LHFPL3: variants seen among roughly 807,000 people sequenced by gnomAD.
LHFPL3 encodes the protein LHFPL tetraspan subfamily member 3 protein.
In LHFPL3, 5 loss-of-function variants were observed where a neutral mutation model predicts 19.3. The ratio of observed to expected loss-of-function variants is 0.26; its 90% CI spans 0.14 to 0.54. The LOEUF (loss-of-function observed/expected upper bound fraction) is 0.54. Ranked by LOEUF, LHFPL3 falls within the 20% of genes least tolerant of loss-of-function variation. LHFPL3 has a pLI of 0.94. For missense variants in LHFPL3, 249 were observed against 307.4 expected (o/e 0.81, Z 1.42); for synonymous variants, 133 against 126.2 (o/e 1.05, Z -0.36).
chr7:104,709,098 A>G (rs1210747351), intron 1 of LHFPL3, among the ~76,000 whole-genome samples: 1 of 152,078 alleles, frequency 6.6e-6, no homozygotes, highest in Non-Finnish European at 1.5e-5. Context: ...CAACAACAAC[A>G]AGGAAAATCA....
intron 1 of LHFPL3, among the ~76,000 whole-genome samples, chr7:104,393,556 A>G (rs1791121364): frequency 6.6e-6 from 1 of 152,068 alleles, no homozygotes; most frequent in Admixed American, 6.6e-5. Flanking sequence ...TCTCTACTAA[A>G]AATACAAAAA....
chr7:104,461,794 A>G (rs527275415), intron 1 of LHFPL3, among the ~76,000 whole-genome samples: 11 of 152,194 alleles, frequency 7.2e-5, no homozygotes, highest in Non-Finnish European at 1.6e-4. Context: ...GAAGAATGTC[A>G]TTGGTAGTTT....
chr7:104,559,422 A>T (rs1024397924), intron 1 of LHFPL3, among the ~76,000 whole-genome samples: 58 of 149,412 alleles, frequency 3.9e-4, no homozygotes, highest in Non-Finnish European at 8.1e-4. Context: ...ATTCCTAGGT[A>T]TTTTATTCTC....
chr7:104,632,322 T>C (rs1403692570), intron 1 of LHFPL3, among the ~76,000 whole-genome samples: 1 of 152,168 alleles, frequency 6.6e-6, no homozygotes, highest in Non-Finnish European at 1.5e-5. Flanking sequence ...TTAAGTTGCA[T>C]AGGACCATTA....
rs537459133 is a variant in LHFPL3 at position 104,402,709 on chromosome 7, T to C, written c.445+73485T>C. ...CAGACTGGTCTTAGGGCTTTCCTTA[T>C]ATTTGACAGATAAGAAAATTATACT... On this transcript the variant is annotated intron_variant, in intron 1 of 2. Coordinates refer to ENST00000424859, the MANE Select transcript of LHFPL3 (RefSeq NM_199000.3). 1.2e-4 allele frequency among the ~76,000 whole-genome samples: 18 copies of C among 152,344 alleles called. No individual in the cohort carries two copies. The East Asian group carries it at 1.5e-3, about 13-fold the overall frequency.
At chr7:104,703,480 T>C (rs1562969082) in intron 1 of LHFPL3, among the ~76,000 whole-genome samples, 1 of 152,234 alleles carries the variant, frequency 6.6e-6, no homozygotes, top group Non-Finnish European at 1.5e-5. Context: ...TTTATTATTC[T>C]CATGGATATC....
At chr7:104,813,063 G>A (rs1024087275) in intron 2 of LHFPL3, among the ~76,000 whole-genome samples, 4 of 151,450 alleles carry the variant, frequency 2.6e-5, no homozygotes, top group East Asian at 2.0e-4. Context: ...GCAGTGAGCC[G>A]AGATCATGCC....
At chr7:104,625,556 T>A (rs2193212) in intron 1 of LHFPL3, among the ~76,000 whole-genome samples, 1 of 151,998 alleles carries the variant, frequency 6.6e-6, no homozygotes, top group Non-Finnish European at 1.5e-5. Flanking sequence ...TGTTCCTCTG[T>A]TTTTTTTTAA....
At chr7:104,604,621 G>T (rs1315898239) in intron 1 of LHFPL3, among the ~76,000 whole-genome samples, 1 of 152,196 alleles carries the variant, frequency 6.6e-6, no homozygotes. Context: ...ATATCCTGAT[G>T]ATTTAATTTT....
At chr7:104,769,672 A>C (rs1319474309) in intron 2 of LHFPL3, among the ~76,000 whole-genome samples, 1 of 143,056 alleles carries the variant, frequency 7.0e-6, no homozygotes, top group African/African-American at 2.7e-5. Flanking sequence ...ATGTGTTCTC[A>C]TTGTTCAACT....
At chr7:104,761,847 A>G (rs1794376561) in intron 2 of LHFPL3, among the ~76,000 whole-genome samples, 2 of 152,214 alleles carry the variant, frequency 1.3e-5, no homozygotes, top group Admixed American at 1.3e-4. Context: ...CATCCTTTTA[A>G]TAGAAGTGCC....
chr7:104,903,111 C>G (rs1337840128), intron 2 of LHFPL3, among the ~76,000 whole-genome samples: 1 of 152,210 alleles, frequency 6.6e-6, no homozygotes, highest in Non-Finnish European at 1.5e-5. Context: ...TAAAGTCCTT[C>G]CAACACTCAC....
intron 1 of LHFPL3, among the ~76,000 whole-genome samples, chr7:104,520,333 G>T (rs1237640648): frequency 6.8e-6 from 1 of 147,172 alleles, no homozygotes; most frequent in East Asian, 1.9e-4. Context: ...TTGATGTGCT[G>T]CTGGATTCCG....
At chr7:104,342,200 G>A (rs1801012491) in intron 1 of LHFPL3, among the ~76,000 whole-genome samples, 1 of 151,868 alleles carries the variant, frequency 6.6e-6, no homozygotes, top group Non-Finnish European at 1.5e-5. Context: ...AAAAGAAATT[G>A]AGGAATTCAG....
intron 1 of LHFPL3, among the ~76,000 whole-genome samples, chr7:104,437,908 C>T (rs1231482343): frequency 1.3e-5 from 2 of 152,126 alleles, no homozygotes; most frequent in African/African-American, 2.4e-5. Context: ...AACCTTTCTC[C>T]CCTTCTCAGA....
chr7:104,569,616 A>G (rs1162291841), intron 1 of LHFPL3, among the ~76,000 whole-genome samples: 4 of 152,210 alleles, frequency 2.6e-5, no homozygotes, highest in Non-Finnish European at 5.9e-5. Flanking sequence ...ACTTTTTTCA[A>G]TGATCTCTTA....
At chr7:104,858,346 T>G (rs1011017091) in intron 2 of LHFPL3, among the ~76,000 whole-genome samples, 18 of 152,212 alleles carry the variant, frequency 1.2e-4, no homozygotes, top group Admixed American at 3.3e-4. Context: ...TTCTCCCACC[T>G]TGAAAACTCT....
rs1464899110 is a variant in LHFPL3, at chr7:104,626,264, C to A, written c.446-110411C>A. Among the ~76,000 whole-genome samples, 3 of 152,290 alleles carry A rather than the reference C, an allele frequency of 2.0e-5. No individual in the cohort carries two copies. The East Asian group carries it at 5.8e-4, about 29-fold the overall frequency. ...GCCCCAAAGACACTCCATGGCAGGGCTGTGAGCATCAAATTTCCTGCCTCT... is the reference window on the plus strand; with the variant it reads ...GCCCCAAAGACACTCCATGGCAGGGATGTGAGCATCAAATTTCCTGCCTCT... On this transcript the variant is annotated intron_variant, in intron 1 of 2. Transcript: ENST00000424859.
chr7:104,459,348 T>C, intron 1 of LHFPL3, among the ~76,000 whole-genome samples: 1 of 152,346 alleles, frequency 6.6e-6, no homozygotes, highest in African/African-American at 2.4e-5. Flanking sequence ...GAATGTTGCC[T>C]GAAGTAACAC....
Sources: allele counts gnomAD v4.1 joint callset (sites outside exome capture counted in the v4.1 genomes callset), GRCh38; gene constraint gnomAD v4.1.1; transcripts MANE v1.5; gene names NCBI Gene and HGNC (gene_info 2026-07-23, HGNC 2026-07-21).